Variants in C18orf63 observed in about 807,000 individuals in gnomAD.
The protein encoded by C18orf63 is uncharacterized protein C18orf63.
Under a neutral mutation model 75.3 loss-of-function variants are expected in C18orf63, and 50 were observed. The ratio of observed to expected loss-of-function variants is 0.66; its 90% CI spans 0.53 to 0.84. The LOEUF is 0.84. Among genes scored for constraint, C18orf63 ranks in the 40% least tolerant of loss-of-function variants. The pLI, the probability that C18orf63 is intolerant of heterozygous loss-of-function variation, is 0.00. For missense variants in C18orf63, 732 were observed against 800.2 expected, an observed-to-expected ratio of 0.91 and a Z score of 1.03; for synonymous variants, 232 against 267.6, an observed-to-expected ratio of 0.87 and a Z score of 1.30.
intron 11 of C18orf63, among the ~76,000 whole-genome samples, chr18:74,351,096 C>G (rs1984658868): frequency 1.3e-5 from 2 of 152,200 alleles, no homozygotes; most frequent in Admixed American, 1.3e-4. Context: ...GGGTAAGCCT[C>G]CAACTGAAGT....
At chr18:74,346,528 GC>G (rs1425928807) in intron 11 of C18orf63, among the ~76,000 whole-genome samples, 3 of 152,152 alleles carry the variant, frequency 2.0e-5, no homozygotes, top group African/African-American at 7.2e-5. Context: ...GTGGACAAAT[GC>G]CCATTGACAT....
chr18:74,331,023 G>A, intron 7 of C18orf63, 81 bp downstream of exon 7: 1 of 525,930 alleles, frequency 1.9e-6, no homozygotes, highest in Non-Finnish European at 3.0e-6. Context: ...ACGTGATTAG[G>A]TTTTAATTTT....
chr18:74,316,490 G>C (rs149303117), intron 1 of C18orf63, among the ~76,000 whole-genome samples: 2,621 of 152,250 alleles, frequency 0.017, 34 homozygotes, highest in Non-Finnish European at 0.028. Context: ...CCCTCGTAGC[G>C]GCGGTCCCGA....
chr18:74,354,424 T>G (rs561579183), intron 12 of C18orf63, 33 bp from the exon 13 acceptor site: 4 of 1,354,420 alleles, frequency 3.0e-6, no homozygotes, highest in Non-Finnish European at 4.0e-6. Flanking sequence ...TGCAGTTAAT[T>G]TGTAACAAAT....
At chr18:74,352,471 T>C (rs938833804) in intron 11 of C18orf63, among the ~76,000 whole-genome samples, 1 of 120,564 alleles carries the variant, frequency 8.3e-6, no homozygotes, top group Non-Finnish European at 1.9e-5. Context: ...AACGCTTGGC[T>C]CTTTTTAATG....
At chr18:74,332,176 A>G (rs886371944) in intron 7 of C18orf63, among the ~76,000 whole-genome samples, 1 of 152,172 alleles carries the variant, frequency 6.6e-6, no homozygotes, top group African/African-American at 2.4e-5. Context: ...TATAGAGGCC[A>G]TGTCTGGTGA....
chr18:74,345,210 T>C (rs534837378), intron 11 of C18orf63, among the ~76,000 whole-genome samples: 14 of 147,632 alleles, frequency 9.5e-5, no homozygotes, highest in African/African-American at 1.2e-4. Flanking sequence ...CTTTCATTTT[T>C]CTACTGTGTT....
At chr18:74,334,525 G>A (rs997931773) in intron 7 of C18orf63, among the ~76,000 whole-genome samples, 2 of 152,038 alleles carry the variant, frequency 1.3e-5, no homozygotes, top group Non-Finnish European at 2.9e-5. Flanking sequence ...GGAAGGCAGG[G>A]GTTTTTTGTT....
intron 4 of C18orf63, among the ~76,000 whole-genome samples, chr18:74,327,559 G>A (rs1029159338): frequency 2.6e-5 from 4 of 152,200 alleles, no homozygotes; most frequent in East Asian, 1.9e-4. Context: ...GCAGCCCAAC[G>A]TTCAGTTTGG....
intron 4 of C18orf63, among the ~76,000 whole-genome samples, chr18:74,325,970 G>A (rs767632266): frequency 6.6e-6 from 1 of 152,188 alleles, no homozygotes; most frequent in Non-Finnish European, 1.5e-5. Context: ...AGTCTGTGCT[G>A]ATAGATTTTG....
chr18:74,327,907 G>C (rs780346016), intron 4 of C18orf63, 40 bp from the exon 5 acceptor site: 1 of 1,202,518 alleles, frequency 8.3e-7, no homozygotes, highest in Non-Finnish European at 1.2e-6. Flanking sequence ...CACAGCAATT[G>C]TTCTAAATTG....
At chr18:74,322,379 A>C (rs529087414) in intron 3 of C18orf63, among the ~76,000 whole-genome samples, 1 of 152,250 alleles carries the variant, frequency 6.6e-6, no homozygotes, top group East Asian at 1.9e-4. Flanking sequence ...GTTTATGTCC[A>C]TTTTCCTTAT....
Position 74,353,293 on chromosome 18 carries a change from G to T in C18orf63, c.1026G>T (p.Arg342Ser). ...PPNLTTKKML[R>S]ASLTQATSRK... ...ATTTGACCACTAAAAAAATGCTTAG[G>T]GCATCTCTGACTCAAGCCACTTCCA... The change falls in exon 12 of 14, where the codon AGG (arginine) becomes AGT (serine). Residue 342 changes from arginine (R) to serine (S), a missense_variant. Physicochemically the swap from Arg to Ser is moderately radical, Grantham distance 110. Around this residue, in one of 3 missense-constraint regions of C18orf63, gnomAD observed 495 missense variants for 508.7 expected, o/e 0.97. Transcript: ENST00000579455. 1 of 1,536,218 alleles carries T rather than the reference G, an allele frequency of 6.5e-7. No individual in the cohort carries two copies. The highest frequency in any genetic ancestry group is 8.7e-7 in the Non-Finnish European group (1 of 1,146,928).
chr18:74,329,264 A>C (rs565267284), intron 6 of C18orf63, among the ~76,000 whole-genome samples: 127 of 151,022 alleles, frequency 8.4e-4, no homozygotes, highest in South Asian at 3.6e-3. Context: ...AGCCCCGTCT[A>C]CTTGGGAGGC....
intron 4 of C18orf63, among the ~76,000 whole-genome samples, chr18:74,325,630 T>TA (rs1208139333): frequency 6.6e-6 from 1 of 152,238 alleles, no homozygotes; most frequent in African/African-American, 2.4e-5. Context: ...TTGAAGTCTT[T>TA]ACCTGTAATT....
In C18orf63 at chr18:74,341,070, C is replaced by T. The variant is rs1184910463; in HGVS notation, c.612-962C>T. Among the ~76,000 whole-genome samples, 12 of 149,996 alleles carry T rather than the reference C, an allele frequency of 8.0e-5. No individual in the cohort carries two copies. In the South Asian group the frequency reaches 2.5e-3, roughly 32 times the overall value. On this transcript the variant is annotated intron_variant, in intron 8 of 13. Coordinates refer to ENST00000579455, the MANE Select transcript of C18orf63 (RefSeq NM_001174123.2). ...ACGAGGTCCGGAGATCGAGACCATCCCGGCTAAAACGGTGAAACCCCGTCT... is the reference window on the plus strand; with the variant it reads ...ACGAGGTCCGGAGATCGAGACCATCTCGGCTAAAACGGTGAAACCCCGTCT...
In C18orf63 at chr18:74,320,985, A is replaced by G. The variant is rs900743143; in HGVS notation, c.213+394A>G. On this transcript the variant is annotated intron_variant, in intron 3 of 13. Transcript: ENST00000579455. Reference sequence around the variant, plus strand: ...AGAACTTGGATCAACATTTCTTCTAATGGAACATTTTATTTAAAATTATTT... The same window carrying G: ...AGAACTTGGATCAACATTTCTTCTAGTGGAACATTTTATTTAAAATTATTT... Among the ~76,000 whole-genome samples, 5 of 152,294 alleles carry G rather than the reference A, an allele frequency of 3.3e-5. No homozygotes were observed. In the East Asian group the frequency reaches 9.6e-4, roughly 29 times the overall value.
At chr18:74,348,672 A>G (rs1405571261) in intron 11 of C18orf63, among the ~76,000 whole-genome samples, 1 of 152,176 alleles carries the variant, frequency 6.6e-6, no homozygotes, top group African/African-American at 2.4e-5. Context: ...AATGATAATG[A>G]TATAATAAAG....
At chr18:74,351,728 C>A (rs1275958194) in intron 11 of C18orf63, among the ~76,000 whole-genome samples, 1 of 152,200 alleles carries the variant, frequency 6.6e-6, no homozygotes, top group African/African-American at 2.4e-5. Context: ...TTGGATTAGT[C>A]TCTTACTTGT....
Sources: gnomAD v4.1 joint callset for allele counts (sites outside exome capture counted in the v4.1 genomes callset) on GRCh38, gnomAD v4.1.1 for gene constraint, gnomAD v4.1.1 regional missense constraint, MANE v1.5 for transcripts, NCBI Gene and HGNC (gene_info 2026-07-23, HGNC 2026-07-21) for gene names.